Variants in FAM169A observed in about 807,000 individuals in gnomAD.
FAM169A encodes family with sequence similarity 169 member A.
In FAM169A, 24 loss-of-function variants were observed where a neutral mutation model predicts 75.7. That is an observed-to-expected ratio of 0.32 (90% CI 0.23 to 0.45). The LOEUF is 0.45. FAM169A is among the 20% of genes least tolerant of loss of function. The pLI is 1.00. For synonymous variants in FAM169A, 271 were observed against 271.0 expected, an observed-to-expected ratio of 1.00 and a Z score of 0.00; for missense variants, 673 against 784.0, an observed-to-expected ratio of 0.86 and a Z score of 1.69.
Position 74,805,524 on chromosome 5 carries a change from CTTTTT to C in FAM169A, c.671-245_671-241del, listed in dbSNP as rs1194674402. ...AAAAATCCTTTAAAAATGTGCTTCG[CTTTTT>C]TTTTTTTTTTTTTTTTTTGGAGATG... is the stretch of plus-strand genomic sequence containing the variant. On this transcript the variant is annotated intron_variant, in intron 6 of 12. Coordinates refer to ENST00000687041, the MANE Select transcript of FAM169A (RefSeq NM_001376049.1). Among the ~76,000 whole-genome samples, 601 of 81,932 alleles carry C rather than the reference CTTTTT, an allele frequency of 7.3e-3. 8 individuals are homozygous for C. Among genetic ancestry groups the C allele is most frequent in the African/African-American group, 0.031 (570 of 18,442 alleles). 53.8% of individuals were successfully genotyped at this position (81,932 alleles called of 152,430 possible).
intron 9 of FAM169A, 82 bp from the exon 10 acceptor site, chr5:74,801,112 A>G: frequency 9.0e-7 from 1 of 1,111,346 alleles, no homozygotes; most frequent in Non-Finnish European, 1.2e-6. Flanking sequence ...AAATGCAAGA[A>G]CTACACTAGT....
chr5:74,801,458 T>C (rs1580096739), intron 9 of FAM169A, 132 bp downstream of exon 9: 5 of 746,898 alleles, frequency 6.7e-6, no homozygotes, highest in South Asian at 4.8e-5. Flanking sequence ...AACCCAGATC[T>C]AGATTTTAGA....
At chr5:74,865,710 G>A (rs1381617688) in intron 1 of FAM169A, 2 of 152,400 alleles carry the variant, frequency 1.3e-5, no homozygotes, top group East Asian at 1.9e-4. Flanking sequence ...AGGCCACCTG[G>A]TCGGGTGAAC....
chr5:74,863,024 A>T (rs1463421726), intron 1 of FAM169A, among the ~76,000 whole-genome samples: 2 of 60,996 alleles, frequency 3.3e-5, no homozygotes, highest in African/African-American at 1.2e-4. Context: ...GTATTCATTT[A>T]AAAAAAAAAA....
chr5:74,783,502 C>G (rs756824814), intron 11 of FAM169A, among the ~76,000 whole-genome samples: 2 of 152,164 alleles, frequency 1.3e-5, no homozygotes, highest in Non-Finnish European at 2.9e-5. Flanking sequence ...AGGCACCAGA[C>G]AGAGTATAGA....
chr5:74,797,382 G>A (rs566194936), intron 10 of FAM169A, among the ~76,000 whole-genome samples: 1 of 152,132 alleles, frequency 6.6e-6, no homozygotes, highest in Non-Finnish European at 1.5e-5. Context: ...TTGCCATGTT[G>A]TCCAGGCTGG....
chr5:74,856,256 G>A (rs1484663350), intron 1 of FAM169A, among the ~76,000 whole-genome samples: 1 of 151,982 alleles, frequency 6.6e-6, no homozygotes, highest in Non-Finnish European at 1.5e-5. Context: ...GATAGCTTTG[G>A]CTATTCTGGG....
At chr5:74,842,192 A>C (rs1748905431) in intron 1 of FAM169A, among the ~76,000 whole-genome samples, 2 of 123,252 alleles carry the variant, frequency 1.6e-5, no homozygotes, top group South Asian at 4.7e-4. Context: ...GGGGCCAAGG[A>C]AGGGTGGATC....
chr5:74,858,389 A>G (rs1182347993), intron 1 of FAM169A, among the ~76,000 whole-genome samples: 1 of 152,182 alleles, frequency 6.6e-6, no homozygotes, highest in African/African-American at 2.4e-5. Flanking sequence ...CTCCATCTCA[A>G]AAAAACAAAA....
chr5:74,866,103 GC>G (rs1750326590), intron 1 of FAM169A, 61 bp downstream of exon 1: 4 of 840,254 alleles, frequency 4.8e-6, no homozygotes, highest in Admixed American at 6.3e-5. Flanking sequence ...GGGGCGCGGG[GC>G]CCGGCGCGGC....
chr5:74,783,967 T>A (rs1208734004), intron 11 of FAM169A, among the ~76,000 whole-genome samples: 1 of 152,148 alleles, frequency 6.6e-6, no homozygotes, highest in Non-Finnish European at 1.5e-5. Context: ...GTTTTTAATT[T>A]TTCTATAGTA....
At chr5:74,791,080 A>G (rs1358612018) in intron 11 of FAM169A, among the ~76,000 whole-genome samples, 3 of 152,204 alleles carry the variant, frequency 2.0e-5, no homozygotes, top group Non-Finnish European at 4.4e-5. Context: ...GCAGTGCGGC[A>G]GTGGGCTCAT....
intron 5 of FAM169A, among the ~76,000 whole-genome samples, chr5:74,815,005 CAT>C (rs1747396013): frequency 1.3e-5 from 2 of 152,212 alleles, no homozygotes; most frequent in South Asian, 4.1e-4. Flanking sequence ...TCTTACCAAT[CAT>C]ATCATTTAAT....
intron 11 of FAM169A, among the ~76,000 whole-genome samples, chr5:74,784,547 A>G (rs1485201136): frequency 2.1e-5 from 3 of 144,390 alleles, no homozygotes; most frequent in African/African-American, 5.3e-5. Flanking sequence ...CCAAAGTGCA[A>G]TAGTATTATA....
intron 12 of FAM169A, among the ~76,000 whole-genome samples, chr5:74,782,650 G>C (rs2112453004): frequency 1.3e-5 from 2 of 152,144 alleles, no homozygotes; most frequent in South Asian, 4.1e-4. Context: ...CAAATATTTG[G>C]TAAATAATGC....
chr5:74,790,305 C>T (rs748811943), intron 11 of FAM169A, among the ~76,000 whole-genome samples: 5 of 152,210 alleles, frequency 3.3e-5, no homozygotes, highest in South Asian at 2.1e-4. Context: ...CTGAAGGACA[C>T]TGGTGAAGGA....
intron 6 of FAM169A, among the ~76,000 whole-genome samples, chr5:74,810,553 T>G (rs907236862): frequency 2.0e-5 from 3 of 151,670 alleles, no homozygotes; most frequent in Admixed American, 6.6e-5. Flanking sequence ...ATCGAGACCA[T>G]CCTGGCTAAC....
intron 10 of FAM169A, chr5:74,799,023 A>C: frequency 8.5e-7 from 1 of 1,177,168 alleles, no homozygotes; most frequent in East Asian, 2.4e-5. Context: ...TACTAGAGCC[A>C]ATCAACTGTC....
intron 7 of FAM169A, 93 bp from the exon 8 acceptor site, chr5:74,804,698 A>G (rs1205773414): frequency 3.0e-6 from 2 of 656,374 alleles, no homozygotes; most frequent in Non-Finnish European, 5.2e-6. Context: ...TCTGAAGAGC[A>G]GCCTGGACAG....
Sources: gnomAD v4.1 joint callset for allele counts (sites outside exome capture counted in the v4.1 genomes callset) on GRCh38, gnomAD v4.1.1 for gene constraint, MANE v1.5 for transcripts, NCBI Gene and HGNC (gene_info 2026-07-23, HGNC 2026-07-21) for gene names.